Variants in DPYS observed in about 807,000 individuals in gnomAD.
DPYS encodes the protein dihydropyrimidine amidohydrolase.
Under a neutral mutation model 50.3 loss-of-function variants are expected in DPYS, and 39 were observed. The ratio of observed to expected loss-of-function variants is 0.78; its 90% confidence interval spans 0.60 to 1.01. The LOEUF (loss-of-function observed/expected upper bound fraction) is 1.01. Among genes scored for constraint, DPYS ranks in the 50% least tolerant of loss-of-function variants. The pLI, the probability that DPYS is intolerant of heterozygous loss-of-function variation, is 0.00. For synonymous variants in DPYS, 245 were observed against 250.7 expected, an observed-to-expected ratio of 0.98 and a Z score of 0.22; for missense variants, 659 against 680.9, an observed-to-expected ratio of 0.97 and a Z score of 0.36.
At position 104,443,328 on chromosome 8, in the gene DPYS, TA is replaced by T. The variant is rs1454574602; in HGVS notation, c.793+919del. 2.3e-3 allele frequency among the ~76,000 whole-genome samples: 6 copies of T among 2,586 alleles called. No individual in the cohort carries two copies. The Non-Finnish European group carries it at 0.04, about 17-fold the overall frequency. The allele number at this position is 2,586 out of a possible 152,430, so 1.7% of individuals were successfully genotyped here. On this transcript the variant is annotated intron_variant, in intron 4 of 9. Transcript: ENST00000351513. ...TCCTTTAAGATGAGTATTTACATAC[TA>T]GGCTGAACATACTAGGCTGAACCAG...
chr8:104,461,118 T>C (rs1223707656), intron 1 of DPYS, among the ~76,000 whole-genome samples: 6 of 88,586 alleles, frequency 6.8e-5, no homozygotes, highest in South Asian at 6.9e-4. Flanking sequence ...ACCCTGTCTC[T>C]ACAAAAAAAA....
chr8:104,422,410 G>A (rs1812579331), intron 7 of DPYS, among the ~76,000 whole-genome samples: 1 of 152,170 alleles, frequency 6.6e-6, no homozygotes, highest in Non-Finnish European at 1.5e-5. Context: ...TGAATCTCAT[G>A]AAGAAACATC....
intron 4 of DPYS, among the ~76,000 whole-genome samples, chr8:104,432,727 T>C (rs1812996827): frequency 6.6e-6 from 1 of 152,230 alleles, no homozygotes; most frequent in South Asian, 2.1e-4. Context: ...AGGTAAGTCA[T>C]TGTTCTTAGT....
intron 6 of DPYS, among the ~76,000 whole-genome samples, chr8:104,426,693 T>G (rs1812733968): frequency 6.6e-6 from 1 of 152,222 alleles, no homozygotes; most frequent in Non-Finnish European, 1.5e-5. Context: ...ACCAGAAGTC[T>G]AACCAGGCAA....
rs561809055 is a variant in DPYS at position 104,455,298 on chromosome 8, T to G, written c.265-3894A>C. ...TGAAGAGACGCTCTGAGGAAGAAGA[T>G]CTGGGGGGAAGAGGTAGCAGCTCAG... On this transcript the variant is annotated intron_variant, in intron 1 of 9. Coordinates refer to ENST00000351513, the MANE Select transcript of DPYS (RefSeq NM_001385.3). Among the ~76,000 whole-genome samples, 3 of 152,118 alleles carry G rather than the reference T, an allele frequency of 2.0e-5. No homozygotes were observed. The South Asian group carries it at 6.2e-4, about 32-fold the overall frequency.
chr8:104,423,686 C>G (rs1246077302), intron 7 of DPYS, among the ~76,000 whole-genome samples: 1 of 152,162 alleles, frequency 6.6e-6, no homozygotes, highest in Non-Finnish European at 1.5e-5. Context: ...GCTCCAGTCT[C>G]TATTGACTGC....
Position 104,466,952 on chromosome 8 carries a change from G to T in DPYS, c.-32C>A, listed in dbSNP as rs1814441313. 1 of 1,400,276 alleles carries T rather than the reference G, an allele frequency of 7.1e-7. No individual in the cohort carries two copies. The highest frequency in any genetic ancestry group is 1.5e-5 in the African/African-American group (1 of 65,964). 86.7% of individuals were successfully genotyped at this position (1,400,276 alleles called of 1,614,324 possible). ...GGGCGCGCGGGGTCCTACTCGGCCCGGGCTGCGCGCAGGGGCTGGGTTGGG... is the reference window on the plus strand; with the variant it reads ...GGGCGCGCGGGGTCCTACTCGGCCCTGGCTGCGCGCAGGGGCTGGGTTGGG... On this transcript the variant is annotated 5_prime_UTR_variant, in exon 1 of 10. Transcript: ENST00000351513.
chr8:104,448,890 T>C (rs1813632767), intron 2 of DPYS, among the ~76,000 whole-genome samples: 1 of 152,318 alleles, frequency 6.6e-6, no homozygotes, highest in African/African-American at 2.4e-5. Context: ...ATGGTGCTTA[T>C]CACCCGGCAT....
intron 7 of DPYS, among the ~76,000 whole-genome samples, chr8:104,410,993 C>T (rs3793356): frequency 0.91 from 138,041 of 152,166 alleles, 63,188 homozygotes; most frequent in Non-Finnish European, 0.98. Context: ...TCTTCACAGA[C>T]GACCTCAACT....
At chr8:104,434,933 A>G (rs920966311) in intron 4 of DPYS, among the ~76,000 whole-genome samples, 1 of 152,224 alleles carries the variant, frequency 6.6e-6, no homozygotes, top group African/African-American at 2.4e-5. Context: ...TGCATTGACA[A>G]TTTCAGTCAT....
intron 1 of DPYS, among the ~76,000 whole-genome samples, chr8:104,464,350 G>A (rs1274107626): frequency 2.6e-5 from 4 of 152,200 alleles, no homozygotes; most frequent in African/African-American, 9.7e-5. Context: ...CTTGGGGCAC[G>A]CAAAGATAAT....
At chr8:104,405,138 C>T (rs1351224181) in intron 7 of DPYS, among the ~76,000 whole-genome samples, 1 of 152,162 alleles carries the variant, frequency 6.6e-6, no homozygotes, top group Admixed American at 6.5e-5. Flanking sequence ...AATGACTGTC[C>T]CCACAGTGTC....
At chr8:104,446,718 G>A (rs928266916) in intron 3 of DPYS, among the ~76,000 whole-genome samples, 1 of 152,070 alleles carries the variant, frequency 6.6e-6, no homozygotes, top group Non-Finnish European at 1.5e-5. Flanking sequence ...AATGGGAGCT[G>A]AGCCTAAGGA....
chr8:104,429,529 T>C lies in DPYS; in HGVS notation c.950+16A>G, dbSNP rs762421785. 7 of 1,613,920 alleles carry C rather than the reference T, an allele frequency of 4.3e-6. No individual in the cohort carries two copies. The highest frequency in any genetic ancestry group is 5.9e-6 in the Non-Finnish European group (7 of 1,179,928). Reference sequence around the variant, plus strand: ...CTTTTGGCAATACACTTCCCAGTCATCTGCAAAATGATTACTTAGCCAACA... The same window carrying C: ...CTTTTGGCAATACACTTCCCAGTCACCTGCAAAATGATTACTTAGCCAACA... On this transcript the variant is annotated intron_variant, in intron 5 of 9. Coordinates refer to ENST00000351513, the MANE Select transcript of DPYS (RefSeq NM_001385.3).
At chr8:104,442,013 T>G (rs1201045302) in intron 4 of DPYS, among the ~76,000 whole-genome samples, 5 of 152,194 alleles carry the variant, frequency 3.3e-5, no homozygotes, top group Non-Finnish European at 2.9e-5. Flanking sequence ...ATATTCTTAT[T>G]TGGTAAAGAG....
intron 1 of DPYS, among the ~76,000 whole-genome samples, chr8:104,455,167 C>T (rs577865113): frequency 1.4e-4 from 22 of 152,130 alleles, no homozygotes; most frequent in African/African-American, 4.1e-4. Context: ...AATACAGAAC[C>T]GTCAATAACT....
intron 8 of DPYS, among the ~76,000 whole-genome samples, chr8:104,385,766 T>TGGCCCCTTTGGCTC: frequency 6.6e-6 from 1 of 152,336 alleles, no homozygotes; most frequent in Non-Finnish European, 1.5e-5. Context: ...ATGACAAGTT[T>TGGCCCCTTTGGCTC]GGCCCCTTTG....
chr8:104,450,155 G>GGGGA (rs1813684148), intron 2 of DPYS, among the ~76,000 whole-genome samples: 1 of 62,630 alleles, frequency 1.6e-5, no homozygotes, highest in Non-Finnish European at 3.8e-5. Context: ...AGAAGGAAGG[G>GGGGA]AGGAAGGGAG....
chr8:104,381,346 G>T, intron 8 of DPYS, 32 bp from the exon 9 acceptor site: 1 of 1,599,518 alleles, frequency 6.3e-7, no homozygotes, highest in Non-Finnish European at 8.6e-7. Flanking sequence ...CTCTCTTGTG[G>T]TTTATTTTCT....
Sources: allele counts gnomAD v4.1 joint callset (sites outside exome capture counted in the v4.1 genomes callset), GRCh38; gene constraint gnomAD v4.1.1; transcripts MANE v1.5; gene names NCBI Gene and HGNC (gene_info 2026-07-23, HGNC 2026-07-21).